ITGB6: variants seen among roughly 807,000 people sequenced by gnomAD.
ITGB6 encodes integrin beta-6.
In ITGB6, 80 loss-of-function variants were observed where a neutral mutation model predicts 84.5. The ratio of observed to expected loss-of-function variants is 0.95; its 90% CI spans 0.79 to 1.14. The LOEUF (loss-of-function observed/expected upper bound fraction) is 1.14, where lower values mean the gene tolerates loss of function less well. ITGB6 is among the 50% of genes most tolerant of loss of function. The pLI is 0.00. For missense variants in ITGB6, 1,006 were observed against 968.0 expected, an observed-to-expected ratio of 1.04 and a Z score of -0.52; for synonymous variants, 383 against 354.9, an observed-to-expected ratio of 1.08 and a Z score of -0.89.
chr2:160,172,380 C>A (rs1191383107), intron 6 of ITGB6, among the ~76,000 whole-genome samples, 189 bp downstream of exon 6: 1 of 152,208 alleles, frequency 6.6e-6, no homozygotes, highest in Non-Finnish European at 1.5e-5. Flanking sequence ...ACATGTCCCA[C>A]CGTCCACCTA....
At chr2:160,190,500 G>A (rs555668578) in intron 4 of ITGB6, among the ~76,000 whole-genome samples, 1 of 152,266 alleles carries the variant, frequency 6.6e-6, no homozygotes. Flanking sequence ...TGACTCCAAA[G>A]CCCTTGTGGT....
At chr2:160,171,976 G>C (rs774811557) in intron 6 of ITGB6, among the ~76,000 whole-genome samples, 3 of 152,198 alleles carry the variant, frequency 2.0e-5, no homozygotes, top group Admixed American at 6.5e-5. Context: ...CTCATGGTCT[G>C]TTCAGGAAAA....
At chr2:160,173,947 A>G in intron 5 of ITGB6, 27 bp downstream of exon 5, 1 of 1,582,248 alleles carries the variant, frequency 6.3e-7, no homozygotes, top group Non-Finnish European at 8.6e-7. Flanking sequence ...ATGTTAACAG[A>G]GTGAAACAGC....
chr2:160,138,767 G>A (rs1683873738), intron 8 of ITGB6, among the ~76,000 whole-genome samples: 1 of 152,064 alleles, frequency 6.6e-6, no homozygotes, highest in African/African-American at 2.4e-5. Context: ...CTCTGTTTTG[G>A]TACATTTCTG....
chr2:160,195,999 A>G (rs962336970), intron 3 of ITGB6, among the ~76,000 whole-genome samples: 2 of 152,252 alleles, frequency 1.3e-5, no homozygotes, highest in Non-Finnish European at 2.9e-5. Context: ...TTAAATGGTT[A>G]CTATTAGAGA....
chr2:160,139,679 G>A (rs1489691121), intron 8 of ITGB6, among the ~76,000 whole-genome samples: 2 of 152,152 alleles, frequency 1.3e-5, no homozygotes, highest in Non-Finnish European at 2.9e-5. Context: ...ATATTTTAGT[G>A]TGAATTTCCC....
At chr2:160,197,152 G>C (rs1191075825) in intron 2 of ITGB6, among the ~76,000 whole-genome samples, 2 of 152,096 alleles carry the variant, frequency 1.3e-5, no homozygotes, top group African/African-American at 4.8e-5. Context: ...TGGGTTAAAA[G>C]TCTGCTTTTT....
intron 13 of ITGB6, among the ~76,000 whole-genome samples, chr2:160,110,234 T>C (rs1207615056): frequency 6.6e-6 from 1 of 152,096 alleles, no homozygotes; most frequent in South Asian, 2.1e-4. Flanking sequence ...ACCTAGAAAA[T>C]TATTTAATGT....
chr2:160,187,450 T>A (rs753269719), intron 4 of ITGB6, among the ~76,000 whole-genome samples: 18 of 152,222 alleles, frequency 1.2e-4, no homozygotes, highest in Non-Finnish European at 2.5e-4. Flanking sequence ...TTATCTAGTT[T>A]GAAGGTAATA....
chr2:160,166,921 G>A (rs1685019666), intron 7 of ITGB6, among the ~76,000 whole-genome samples: 2 of 152,156 alleles, frequency 1.3e-5, no homozygotes. Flanking sequence ...AAAAAAAACA[G>A]TCATTTTTCC....
rs1437007812 is a variant in ITGB6 at position 160,141,996 on chromosome 2, T to C, written c.1093A>G (p.Ile365Val). The change falls in exon 8 of 15, where the codon ATC (isoleucine) becomes GTC (valine). Residue 365 changes from isoleucine (I) to valine (V), a missense_variant. Ile to Val is a conservative substitution (Grantham distance 29, BLOSUM62 3). Coordinates refer to ENST00000283249, the MANE Select transcript of ITGB6 (RefSeq NM_000888.5). ...AAATATCCTACTTCATAAGCTGAGA[T>C]GATCAGCTGGAGAATGTTTCCGGAG... ...KDSGNILQLI[I>V]SAYEELRSEV... 7 of 1,599,222 alleles carry C rather than the reference T, an allele frequency of 4.4e-6. No homozygotes were observed. In the African/African-American group the frequency reaches 6.7e-5, roughly 15 times the overall value.
chr2:160,158,881 A>G (rs1457543377), intron 7 of ITGB6, among the ~76,000 whole-genome samples: 1 of 152,138 alleles, frequency 6.6e-6, no homozygotes, highest in Non-Finnish European at 1.5e-5. Context: ...GGGGTGGATC[A>G]TGAAGTCAGG....
chr2:160,176,645 A>G (rs1256324536), intron 4 of ITGB6, among the ~76,000 whole-genome samples: 1 of 152,220 alleles, frequency 6.6e-6, no homozygotes, highest in African/African-American at 2.4e-5. Context: ...GAGTTAATGC[A>G]TAATAAATAT....
chr2:160,194,714 T>A (rs1686265382), intron 4 of ITGB6, among the ~76,000 whole-genome samples: 1 of 152,138 alleles, frequency 6.6e-6, no homozygotes, highest in African/African-American at 2.4e-5. Context: ...ATTCTGAACA[T>A]GTCATTCACT....
intron 7 of ITGB6, among the ~76,000 whole-genome samples, chr2:160,166,878 C>T (rs997073290): frequency 2.6e-5 from 4 of 152,202 alleles, no homozygotes; most frequent in Non-Finnish European, 4.4e-5. Context: ...CACTACACAC[C>T]TGGGCGGTCC....
chr2:160,169,899 T>C (rs1263167967), intron 6 of ITGB6, among the ~76,000 whole-genome samples: 1 of 152,254 alleles, frequency 6.6e-6, no homozygotes, highest in Non-Finnish European at 1.5e-5. Flanking sequence ...AATTGAAAAC[T>C]ACATTGTACT....
rs202122995 is a variant in ITGB6, at chr2:160,152,959, C to T, written c.1018-10888G>A. ...AAGAGGACACAAACAAATGGAAGAA[C>T]ATTCCATGCTCATAGATAGGAAGAA... On this transcript the variant is annotated intron_variant, in intron 7 of 14. Transcript: ENST00000283249. Among the ~76,000 whole-genome samples, 34 of 152,292 alleles carry T rather than the reference C, an allele frequency of 2.2e-4. No individual in the cohort carries two copies. In the East Asian group the frequency reaches 6.0e-3, roughly 27 times the overall value.
chr2:160,188,666 C>T (rs1341538531), intron 4 of ITGB6, among the ~76,000 whole-genome samples: 3 of 151,518 alleles, frequency 2.0e-5, no homozygotes, highest in East Asian at 3.9e-4. Context: ...TACTGTGGCT[C>T]AGTCTTGGCT....
At chr2:160,114,871 G>T (rs1458376181) in intron 12 of ITGB6, among the ~76,000 whole-genome samples, 3 of 152,214 alleles carry the variant, frequency 2.0e-5, no homozygotes, top group Admixed American at 6.5e-5. Flanking sequence ...TGGCTCAGAG[G>T]GTCCTACGCC....
Sources: allele counts gnomAD v4.1 joint callset (sites outside exome capture counted in the v4.1 genomes callset), GRCh38; gene constraint gnomAD v4.1.1; transcripts MANE v1.5; gene names NCBI Gene and HGNC (gene_info 2026-07-23, HGNC 2026-07-21).